PRKN: variants seen among roughly 807,000 people sequenced by gnomAD.
PRKN encodes the protein E3 ubiquitin-protein ligase parkin.
Under a neutral mutation model 59.5 loss-of-function variants are expected in PRKN, and 56 were observed. The ratio of observed to expected loss-of-function variants is 0.94; its 90% CI spans 0.76 to 1.18. PRKN has a LOEUF of 1.18. Ranked by LOEUF, PRKN falls within the 50% of genes most tolerant of loss-of-function variation. The probability of loss-of-function intolerance (pLI) is 0.00; values close to 1 mark genes in which losing one functional copy is unlikely to be tolerated. For synonymous variants in PRKN, 250 were observed against 222.1 expected (o/e 1.13, Z -1.12); for missense variants, 657 against 596.4 (o/e 1.10, Z -1.06).
chr6:161,479,623 C>G (rs544988128), intron 9 of PRKN, among the ~76,000 whole-genome samples: 2 of 152,186 alleles, frequency 1.3e-5, no homozygotes, highest in South Asian at 4.2e-4. Context: ...CCGGGGAAGA[C>G]GACAGTCAAG....
At chr6:162,693,039 T>C (rs915928623) in intron 1 of PRKN, among the ~76,000 whole-genome samples, 1 of 152,174 alleles carries the variant, frequency 6.6e-6, no homozygotes, top group African/African-American at 2.4e-5. Context: ...AATAAGCCCA[T>C]ATAATTTGCT....
intron 5 of PRKN, among the ~76,000 whole-genome samples, chr6:162,028,794 AAGAGGGTG>A (rs1250938122): frequency 1.3e-5 from 2 of 152,144 alleles, no homozygotes; most frequent in African/African-American, 2.4e-5. Flanking sequence ...TAGCAAAGCC[AAGAGGGTG>A]GCGTTTGACT....
intron 1 of PRKN, among the ~76,000 whole-genome samples, chr6:162,707,890 T>C (rs1003701713): frequency 6.6e-6 from 1 of 152,180 alleles, no homozygotes; most frequent in Admixed American, 6.5e-5. Context: ...AATATTTGTA[T>C]TTTTAGTAGA....
intron 7 of PRKN, among the ~76,000 whole-genome samples, chr6:161,656,002 G>T (rs1429004807): frequency 1.3e-5 from 2 of 152,290 alleles, no homozygotes; most frequent in Admixed American, 1.3e-4. Flanking sequence ...CTTCCTGGCT[G>T]CTTCCAGAAT....
At chr6:161,833,656 G>A (rs919838668) in intron 6 of PRKN, among the ~76,000 whole-genome samples, 9 of 152,126 alleles carry the variant, frequency 5.9e-5, no homozygotes, top group African/African-American at 1.9e-4. Context: ...TGAGCAGATC[G>A]GGGTTGGAGT....
chr6:162,259,563 A>G (rs1779798576), intron 3 of PRKN, among the ~76,000 whole-genome samples: 1 of 152,230 alleles, frequency 6.6e-6, no homozygotes. Context: ...ATTTTTAGTG[A>G]AGAAAAATAA....
chr6:161,647,211 T>C (rs914796109), intron 7 of PRKN, among the ~76,000 whole-genome samples: 2 of 152,206 alleles, frequency 1.3e-5, no homozygotes, highest in African/African-American at 4.8e-5. Context: ...CCTATAAGGA[T>C]TTCCATTCAG....
intron 9 of PRKN, among the ~76,000 whole-genome samples, chr6:161,516,837 A>AAAAAG (rs1441902737): frequency 6.6e-6 from 1 of 150,446 alleles, no homozygotes; most frequent in Non-Finnish European, 1.5e-5. Context: ...AAAAAAAAAA[A>AAAAAG]AAAAAAAAAA....
At chr6:162,443,259 T>A (rs1370641918) in intron 2 of PRKN, 51 bp downstream of exon 2, 5 of 1,593,600 alleles carry the variant, frequency 3.1e-6, no homozygotes, top group Non-Finnish European at 4.3e-6. Context: ...GCAGGCGGCA[T>A]GAGCAATGGA....
intron 4 of PRKN, among the ~76,000 whole-genome samples, chr6:162,178,460 C>T (rs1331459974): frequency 6.6e-6 from 1 of 152,148 alleles, no homozygotes. Context: ...ATGGGGCCAG[C>T]CCCTTTCCCT....
intron 2 of PRKN, among the ~76,000 whole-genome samples, chr6:162,318,722 A>G (rs1782855716): frequency 6.6e-6 from 1 of 151,940 alleles, no homozygotes; most frequent in African/African-American, 2.4e-5. Flanking sequence ...TACTGAGCTT[A>G]TTGGCGTGAT....
At chr6:162,581,387 C>T (rs1019342528) in intron 1 of PRKN, among the ~76,000 whole-genome samples, 2 of 152,210 alleles carry the variant, frequency 1.3e-5, no homozygotes, top group Non-Finnish European at 2.9e-5. Flanking sequence ...CATGGTCTAA[C>T]AAGAAAAGGA....
intron 9 of PRKN, among the ~76,000 whole-genome samples, chr6:161,491,483 C>T (rs1777554743): frequency 6.6e-6 from 1 of 152,092 alleles, no homozygotes; most frequent in East Asian, 1.9e-4. Flanking sequence ...AAACAACTTA[C>T]AAAGCTTGTG....
intron 2 of PRKN, among the ~76,000 whole-genome samples, chr6:162,341,246 G>C (rs925269632): frequency 1.4e-4 from 21 of 152,122 alleles, no homozygotes; most frequent in African/African-American, 5.1e-4. Flanking sequence ...TCATTAAAAA[G>C]TCAGGAAACA....
chr6:162,360,223 T>C (rs773351411), intron 2 of PRKN, among the ~76,000 whole-genome samples: 5 of 152,148 alleles, frequency 3.3e-5, no homozygotes, highest in Non-Finnish European at 5.9e-5. Context: ...TTTCTAATAG[T>C]GCAACTTACG....
rs540680536 is a variant in PRKN, at chr6:162,077,635, T to G, written c.535-23461A>C. Among the ~76,000 whole-genome samples the G allele has an allele frequency of 1.2e-4, 19 of 152,190 alleles. No homozygotes were observed. The South Asian group carries it at 3.9e-3, about 32-fold the overall frequency. On this transcript the variant is annotated intron_variant, in intron 4 of 11. Coordinates refer to ENST00000366898, the MANE Select transcript of PRKN (RefSeq NM_004562.3). ...TTTATCTATTCCATGAATGATTAAT[T>G]TTTAACAAAAATGAAAAATCCAGGA...
chr6:161,425,021 T>C lies in PRKN; in HGVS notation c.1084-38144A>G, dbSNP rs143080915. Among the ~76,000 whole-genome samples the C allele has an allele frequency of 3.8e-3, 583 of 152,298 alleles. 6 individuals carry two copies. The highest frequency in any genetic ancestry group is 0.014 in the African/African-American group (563 of 41,566). On this transcript the variant is annotated intron_variant, in intron 9 of 11. Coordinates refer to ENST00000366898, the MANE Select transcript of PRKN (RefSeq NM_004562.3). ...TCATAGGCCCACATTAAGTAAGTGA[T>C]GCCTACAGGTGTCTTCTGTTTCTGT...
chr6:162,337,194 T>G (rs946007839), intron 2 of PRKN, among the ~76,000 whole-genome samples: 4 of 152,196 alleles, frequency 2.6e-5, no homozygotes, highest in Admixed American at 1.3e-4. Flanking sequence ...TTGAACCATT[T>G]AGTATGAATC....
At chr6:161,558,833 C>G (rs1215734764) in intron 8 of PRKN, among the ~76,000 whole-genome samples, 1 of 151,498 alleles carries the variant, frequency 6.6e-6, no homozygotes, top group African/African-American at 2.4e-5. Context: ...AGGTAGTTAG[C>G]CTGAGAGCAT....
Sources: gnomAD v4.1 joint callset for allele counts (sites outside exome capture counted in the v4.1 genomes callset) on GRCh38, gnomAD v4.1.1 for gene constraint, MANE v1.5 for transcripts, NCBI Gene and HGNC (gene_info 2026-07-23, HGNC 2026-07-21) for gene names.